The following ITSN1 variants were observed in gnomAD, a reference collection of about 807,000 sequenced individuals.
ITSN1 encodes the protein intersectin-1.
ITSN1 carries 58 observed loss-of-function variants against 239.8 expected under a neutral mutation model. That is an observed-to-expected ratio of 0.24 (90% CI 0.20 to 0.30). The LOEUF (loss-of-function observed/expected upper bound fraction) is 0.30. ITSN1 is among the 10% of genes least tolerant of loss of function. The pLI, the probability that ITSN1 is intolerant of heterozygous loss-of-function variation, is 1.00. For synonymous variants in ITSN1, 780 were observed against 770.8 expected (o/e 1.01, Z -0.20); for missense variants, 1,558 against 2,103.3 (o/e 0.74, Z 5.07).
chr21:33,818,037 G>A (rs2073405217), intron 22 of ITSN1: 1 of 565,762 alleles, frequency 1.8e-6, no homozygotes, highest in Non-Finnish European at 3.1e-6. Context: ...TAGATGGTCA[G>A]ACAATGACTT....
rs1979244142 is a variant in ITSN1, at chr21:33,855,971, G to A, written c.3662-765G>A. Among the ~76,000 whole-genome samples, 3 of 152,334 alleles carry A rather than the reference G, an allele frequency of 2.0e-5. 1 individual carries two copies. In the South Asian group the frequency reaches 6.2e-4, roughly 32 times the overall value. On this transcript the variant is annotated intron_variant, in intron 29 of 39. Coordinates refer to ENST00000381318, the MANE Select transcript of ITSN1 (RefSeq NM_003024.3). ...CCAACCTCGACATGGATAACCCATG[G>A]CCTCCTGGAGCTCGGGGATAGAGCA...
intron 28 of ITSN1, among the ~76,000 whole-genome samples, chr21:33,835,149 C>T (rs2074530227): frequency 6.6e-6 from 1 of 152,148 alleles, no homozygotes; most frequent in Admixed American, 6.5e-5. Context: ...AATATCTGTG[C>T]TGTATGTACC....
chr21:33,768,358 T>C (rs1377203697), intron 11 of ITSN1, among the ~76,000 whole-genome samples: 1 of 152,208 alleles, frequency 6.6e-6, no homozygotes, highest in African/African-American at 2.4e-5. Flanking sequence ...CTAGGCTCAC[T>C]GCAACCTCCG....
In ITSN1 at chr21:33,882,299, T is replaced by G. The variant is rs747917600; in HGVS notation, c.4398T>G (p.Ser1466Arg). ...NCLGPRKFLH[S>R]GKLYKAKSNK... ...TGGGGCCGCGCAAATTTCTGCACAG[T>G]GGGAAGCTCTACAAGGCCAAGAGCA... is the stretch of plus-strand genomic sequence containing the variant. The change falls in exon 35 of 40, where the codon AGT becomes AGG. Residue 1466 changes from serine (S) to arginine (R), a missense_variant. Around this residue, in one of 2 missense-constraint regions of ITSN1, gnomAD observed 576 missense variants for 893.3 expected, o/e 0.64. Transcript: ENST00000381318. This position sits in a 1 kb window ranked among gnomAD's most constrained non-coding sequence, Gnocchi z 4.5. 6.2e-7 allele frequency: 1 copy of G among 1,614,198 alleles called. No individual in the cohort carries two copies. Among genetic ancestry groups the G allele is most frequent in the Middle Eastern group, 1.7e-4 (1 of 6,060 alleles).
At chr21:33,771,867 G>A (rs892547105) in intron 11 of ITSN1, among the ~76,000 whole-genome samples, 194 bp from the exon 12 acceptor site, 1 of 152,336 alleles carries the variant, frequency 6.6e-6, no homozygotes, top group Non-Finnish European at 1.5e-5. Context: ...AGTGTTTGGC[G>A]TGGAGGAGAA....
intron 1 of ITSN1, among the ~76,000 whole-genome samples, chr21:33,715,824 A>G (rs949040828): frequency 2.0e-5 from 3 of 152,174 alleles, no homozygotes; most frequent in African/African-American, 7.2e-5. Flanking sequence ...AGGCAGAGGC[A>G]GGAGAATTGC....
intron 25 of ITSN1, among the ~76,000 whole-genome samples, chr21:33,825,669 G>A (rs2073937006): frequency 6.6e-6 from 1 of 152,220 alleles, no homozygotes; most frequent in South Asian, 2.1e-4. Flanking sequence ...AGTATAGGGA[G>A]TAGATTCTAA....
intron 5 of ITSN1, among the ~76,000 whole-genome samples, chr21:33,739,973 C>A (rs576745061): frequency 6.6e-6 from 1 of 151,918 alleles, no homozygotes; most frequent in Non-Finnish European, 1.5e-5. Context: ...TGGTGATAAT[C>A]AATGTGGAGG....
intron 28 of ITSN1, 33 bp downstream of exon 28, chr21:33,834,457 G>A (rs199832630): frequency 7.2e-7 from 1 of 1,396,714 alleles, no homozygotes; most frequent in African/African-American, 1.4e-5. Context: ...CTGGAAGATG[G>A]TCTGCATGCC....
At chr21:33,757,240 A>G (rs1376927245) in intron 8 of ITSN1, among the ~76,000 whole-genome samples, 4 of 152,166 alleles carry the variant, frequency 2.6e-5, no homozygotes, top group African/African-American at 9.7e-5. Flanking sequence ...ACATTGATTG[A>G]GAAATTCTCT....
chr21:33,774,143 C>T (rs1036428393), intron 12 of ITSN1, among the ~76,000 whole-genome samples: 1 of 152,088 alleles, frequency 6.6e-6, no homozygotes, highest in Admixed American at 6.6e-5. Context: ...AGTTGGATGA[C>T]CCATGAGTCA....
intron 34 of ITSN1, among the ~76,000 whole-genome samples, chr21:33,881,235 G>A (rs531840881): frequency 4.9e-4 from 74 of 151,992 alleles, no homozygotes; most frequent in Admixed American, 7.9e-4. Flanking sequence ...GTGAAACCCC[G>A]TCTCTACTAA....
intron 25 of ITSN1, among the ~76,000 whole-genome samples, chr21:33,826,107 A>G (rs2073956877): frequency 6.6e-6 from 1 of 152,248 alleles, no homozygotes; most frequent in South Asian, 2.1e-4. Context: ...CTGGTTTAAA[A>G]TTCCATGAGT....
At chr21:33,707,451 T>C (rs2092286942) in intron 1 of ITSN1, among the ~76,000 whole-genome samples, 1 of 152,074 alleles carries the variant, frequency 6.6e-6, no homozygotes, top group African/African-American at 2.4e-5. Flanking sequence ...ACAGTTTGGT[T>C]AGTTTTGACA....
intron 1 of ITSN1, among the ~76,000 whole-genome samples, chr21:33,689,621 A>C (rs2091412531): frequency 6.6e-6 from 1 of 152,152 alleles, no homozygotes; most frequent in Non-Finnish European, 1.5e-5. Context: ...GGCTACAGTG[A>C]GCTATGATCG....
intron 1 of ITSN1, among the ~76,000 whole-genome samples, chr21:33,717,823 T>C (rs1275688328): frequency 6.6e-6 from 1 of 152,166 alleles, no homozygotes; most frequent in Non-Finnish European, 1.5e-5. Flanking sequence ...CGCCTTGGCC[T>C]CCCAAAGTTC....
intron 29 of ITSN1, among the ~76,000 whole-genome samples, chr21:33,849,565 CAA>C (rs55906219): frequency 0.15 from 13,109 of 85,496 alleles, 568 homozygotes; most frequent in East Asian, 0.41. Context: ...GACTCTGTCT[CAA>C]AAAAAAAAAA....
intron 1 of ITSN1, among the ~76,000 whole-genome samples, 167 bp from the exon 2 acceptor site, chr21:33,718,630 A>G (rs1318489534): frequency 1.3e-5 from 2 of 152,172 alleles, no homozygotes; most frequent in Non-Finnish European, 2.9e-5. Flanking sequence ...ATGAGGGACA[A>G]CTGTATACTT....
intron 12 of ITSN1, 141 bp downstream of exon 12, chr21:33,772,464 T>C: frequency 9.7e-7 from 1 of 1,034,720 alleles, no homozygotes; most frequent in Non-Finnish European, 1.4e-6. Context: ...GCAACCATCG[T>C]CCCTAATTCC....
Sources: allele counts gnomAD v4.1 joint callset (sites outside exome capture counted in the v4.1 genomes callset), GRCh38; gene constraint gnomAD v4.1.1; regional missense constraint gnomAD v4.1.1; non-coding constraint Gnocchi (gnomAD v3.1); transcripts MANE v1.5; gene names NCBI Gene and HGNC (gene_info 2026-07-23, HGNC 2026-07-21).